The following DPP6 variants were observed in gnomAD, a reference collection of about 807,000 sequenced individuals.
The protein encoded by DPP6 is A-type potassium channel modulatory protein DPP6.
In DPP6, 69 loss-of-function variants were observed where a neutral mutation model predicts 122.6. The observed-to-expected ratio is 0.56, with a 90% confidence interval of 0.46 to 0.69. DPP6 has a LOEUF of 0.69. Ranked by LOEUF, DPP6 falls within the 30% of genes least tolerant of loss-of-function variation. DPP6 has a pLI of 0.00. For synonymous variants in DPP6, 418 were observed against 433.1 expected (o/e 0.97, Z 0.43); for missense variants, 928 against 1,116.9 (o/e 0.83, Z 2.41).
Position 154,809,571 on chromosome 7 carries a change from TGC to T in DPP6, c.1666+2460_1666+2461del, listed in dbSNP as rs745812361. On this transcript the variant is annotated intron_variant, in intron 16 of 25. Coordinates refer to ENST00000377770, the MANE Select transcript of DPP6 (RefSeq NM_130797.4). ...TGACCAGATAAGAAAGCATGGTGTG[TGC>T]TCCACAAGCATCCGGGTTAATAAAT... 1.3e-3 allele frequency among the ~76,000 whole-genome samples: 199 copies of T among 152,282 alleles called. 1 individual carries two copies. The highest frequency in any genetic ancestry group is 2.5e-3 in the Non-Finnish European group (172 of 68,024).
At chr7:154,026,245 C>T (rs1323651597) in intron 1 of DPP6, 1 of 152,094 alleles carries the variant, frequency 6.6e-6, no homozygotes, top group Non-Finnish European at 1.5e-5. Context: ...TTAATAGAGC[C>T]CGTGAGACTC....
At chr7:153,983,207 G>A (rs1233816451) in intron 1 of DPP6, among the ~76,000 whole-genome samples, 1 of 152,240 alleles carries the variant, frequency 6.6e-6, no homozygotes, top group Non-Finnish European at 1.5e-5. Flanking sequence ...ATATGCCCCT[G>A]ACTGGGGCTG....
At chr7:154,816,755 C>T (rs538351344) in intron 16 of DPP6, among the ~76,000 whole-genome samples, 2 of 152,302 alleles carry the variant, frequency 1.3e-5, no homozygotes, top group South Asian at 4.1e-4. Flanking sequence ...AGCAGCATCC[C>T]TTCCCACATG....
chr7:154,089,376 G>T (rs1804649376), intron 1 of DPP6, among the ~76,000 whole-genome samples: 1 of 138,382 alleles, frequency 7.2e-6, no homozygotes, highest in Non-Finnish European at 1.5e-5. Flanking sequence ...AGCAAAGAAT[G>T]TGGATTTTAG....
intron 1 of DPP6, among the ~76,000 whole-genome samples, chr7:154,409,208 G>A (rs1816382468): frequency 6.6e-6 from 1 of 152,134 alleles, no homozygotes; most frequent in Non-Finnish European, 1.5e-5. Context: ...CCTTTAAAGA[G>A]ATAATTAAAT....
At chr7:154,235,143 C>A (rs1801129578) in intron 1 of DPP6, among the ~76,000 whole-genome samples, 1 of 152,214 alleles carries the variant, frequency 6.6e-6, no homozygotes, top group African/African-American at 2.4e-5. Context: ...ATTTTTATCA[C>A]CCCCGAAGGA....
chr7:154,466,057 G>C (rs1821753128), intron 2 of DPP6, among the ~76,000 whole-genome samples: 2 of 152,252 alleles, frequency 1.3e-5, no homozygotes, highest in Non-Finnish European at 2.9e-5. Context: ...CCTTTGCAGG[G>C]ACATGGATGA....
rs1447622102 is a variant in DPP6, at chr7:154,892,557, TCCCTCGGAGGGGCGGGGCGGGGCGGGG to T, written c.*80_*106del. ...CGAGGGATTTCCCTGCCCTCCCTCT[TCCCTCGGAGGGGCGGGGCGGGGCGGGG>T]CCGGGTGTTCCATAGCATGTGTGTC... On this transcript the variant is annotated 3_prime_UTR_variant, in exon 26 of 26. Coordinates refer to ENST00000377770, the MANE Select transcript of DPP6 (RefSeq NM_130797.4). 1.3e-6 allele frequency: 1 copy of T among 743,908 alleles called. No homozygotes were observed. 46.1% of individuals were successfully genotyped at this position (743,908 alleles called of 1,614,324 possible). A position where few individuals can be genotyped will look rare whatever the true frequency, so the allele number is the denominator to read the frequency against.
intron 1 of DPP6, among the ~76,000 whole-genome samples, chr7:153,888,067 C>CA (rs756506788): frequency 6.6e-6 from 1 of 152,176 alleles, no homozygotes; most frequent in South Asian, 2.1e-4. Context: ...AGCAGACCCC[C>CA]AGGGCTCTTC....
chr7:154,876,690 G>A lies in DPP6; in HGVS notation c.2078+590G>A, dbSNP rs73487842. Among the ~76,000 whole-genome samples the A allele has an allele frequency of 6.8e-3, 1,030 of 152,338 alleles. 12 individuals are homozygous for A. Among genetic ancestry groups the A allele is most frequent in the African/African-American group, 0.024 (977 of 41,572 alleles). ...ACAAAAGGAGGCTTAGCACCAAGGGGCAGATGCTCCAAATGACTTATTGAA... is the reference window on the plus strand; with the variant it reads ...ACAAAAGGAGGCTTAGCACCAAGGGACAGATGCTCCAAATGACTTATTGAA... On this transcript the variant is annotated intron_variant, in intron 20 of 25. Transcript: ENST00000377770.
intron 6 of DPP6, among the ~76,000 whole-genome samples, chr7:154,664,094 G>A (rs375099709): frequency 3.3e-5 from 4 of 119,924 alleles, no homozygotes; most frequent in Non-Finnish European, 5.8e-5. Context: ...ATGGCGTATC[G>A]GCCGTAGTGT....
At chr7:153,966,312 T>G (rs1022721261) in intron 1 of DPP6, among the ~76,000 whole-genome samples, 1 of 151,354 alleles carries the variant, frequency 6.6e-6, no homozygotes, top group African/African-American at 2.4e-5. Context: ...TGTTCATGTG[T>G]GTGTAAATGG....
chr7:154,688,480 C>G (rs1466786166), intron 7 of DPP6, among the ~76,000 whole-genome samples: 1 of 151,980 alleles, frequency 6.6e-6, no homozygotes, highest in Non-Finnish European at 1.5e-5. Context: ...TTTATGTCTG[C>G]TAGTGTATTA....
intron 1 of DPP6, among the ~76,000 whole-genome samples, chr7:154,377,772 TACCC>T (rs1195718464): frequency 6.6e-6 from 1 of 152,224 alleles, no homozygotes; most frequent in East Asian, 1.9e-4. Context: ...TTAAATAAAT[TACCC>T]AGCCTCAGTT....
In DPP6 at chr7:154,662,422, G is replaced by A. The variant is rs1335175284; in HGVS notation, c.681-6938G>A. 1.3e-4 allele frequency among the ~76,000 whole-genome samples: 15 copies of A among 119,782 alleles called. 1 individual carries two copies. Among genetic ancestry groups the A allele is most frequent in the South Asian group, 5.6e-4 (2 of 3,550 alleles). The allele number at this position is 119,782 out of a possible 152,430, so 78.6% of individuals were successfully genotyped here. A position where few individuals can be genotyped will look rare whatever the true frequency, so the allele number is the denominator to read the frequency against. ...GTCATGTGAATCACCATGGCGTATC[G>A]GCTGTAGTGTTCATATAGTCATGGT... On this transcript the variant is annotated intron_variant, in intron 6 of 25. Coordinates refer to ENST00000377770, the MANE Select transcript of DPP6 (RefSeq NM_130797.4).
rs1402837932 is a variant in DPP6, at chr7:154,833,931, G to A, written c.1667-19849G>A. 1.3e-5 allele frequency among the ~76,000 whole-genome samples: 2 copies of A among 152,256 alleles called. No individual in the cohort carries two copies. The highest frequency in any genetic ancestry group is 3.9e-4 in the East Asian group (2 of 5,168). On this transcript the variant is annotated intron_variant, in intron 16 of 25. Coordinates refer to ENST00000377770, the MANE Select transcript of DPP6 (RefSeq NM_130797.4). The surrounding 1 kb of genome is among the most constrained non-coding windows in gnomAD (Gnocchi z 4.3). Reference sequence around the variant, plus strand: ...CTGGGCTAGGCCTGGATGGTCCCGGGGCTGCACGGATGTAGCTCATCTTCA... The same window carrying A: ...CTGGGCTAGGCCTGGATGGTCCCGGAGCTGCACGGATGTAGCTCATCTTCA...
At chr7:154,202,568 CCTT>C (rs1448826730) in intron 1 of DPP6, among the ~76,000 whole-genome samples, 1 of 152,220 alleles carries the variant, frequency 6.6e-6, no homozygotes, top group East Asian at 1.9e-4. Flanking sequence ...ACTCCTCCAT[CCTT>C]CTGCCCCTTT....
chr7:154,374,493 C>T (rs556411833), intron 1 of DPP6, among the ~76,000 whole-genome samples: 5 of 152,236 alleles, frequency 3.3e-5, no homozygotes, highest in African/African-American at 7.2e-5. Flanking sequence ...GTGCATTCCC[C>T]GATGGCAACC....
intron 19 of DPP6, among the ~76,000 whole-genome samples, chr7:154,873,849 TACCCACATGCACACAC>T (rs1804602226): frequency 7.4e-6 from 1 of 135,522 alleles, no homozygotes. Context: ...CACATATGCA[TACCCACATGCACACAC>T]ACCCACAGGC....
Sources: allele counts gnomAD v4.1 joint callset (sites outside exome capture counted in the v4.1 genomes callset), GRCh38; gene constraint gnomAD v4.1.1; non-coding constraint Gnocchi (gnomAD v3.1); transcripts MANE v1.5; gene names NCBI Gene and HGNC (gene_info 2026-07-23, HGNC 2026-07-21).